PLCH2: variants seen among roughly 807,000 people sequenced by gnomAD.
PLCH2 encodes 1-phosphatidylinositol 4,5-bisphosphate phosphodiesterase eta-2.
PLCH2 carries 98 observed loss-of-function variants against 134.7 expected under a neutral mutation model. That is an observed-to-expected ratio of 0.73 (90% CI 0.62 to 0.86). The LOEUF is 0.86. PLCH2 is among the 40% of genes least tolerant of loss of function. PLCH2 has a pLI of 0.00. For synonymous variants in PLCH2, 974 were observed against 827.5 expected, an observed-to-expected ratio of 1.18 and a Z score of -3.04; for missense variants, 1,994 against 1,986.6, an observed-to-expected ratio of 1.00 and a Z score of -0.07.
intron 2 of PLCH2, among the ~76,000 whole-genome samples, chr1:2,438,110 A>G: frequency 6.6e-6 from 1 of 152,230 alleles, no homozygotes; most frequent in East Asian, 1.9e-4. Flanking sequence ...CCCCCAGGGC[A>G]GGGTCACACT....
chr1:2,441,090 G>T (rs1639671808), intron 2 of PLCH2, among the ~76,000 whole-genome samples: 1 of 152,156 alleles, frequency 6.6e-6, no homozygotes, highest in Non-Finnish European at 1.5e-5. Flanking sequence ...GGAGGGGGTG[G>T]GTTCCCATCC....
Position 2,476,485 on chromosome 1 carries a change from C to G in PLCH2, c.-104C>G. On this transcript the variant is annotated 5_prime_UTR_variant, in exon 1 of 22. Coordinates refer to ENST00000378486, the MANE Select transcript of PLCH2 (RefSeq NM_014638.4). ...AGGAAGAGGCAGAGGAGAGAAGGCC[C>G]CACGGAGGTCCTGTCGCCAGCGCTG... 9.0e-7 allele frequency: 1 copy of G among 1,115,050 alleles called. No individual in the cohort carries two copies. Among genetic ancestry groups the G allele is most frequent in the Non-Finnish European group, 1.2e-6 (1 of 813,354 alleles). 69.1% of individuals were successfully genotyped at this position (1,115,050 alleles called of 1,614,324 possible).
At chr1:2,476,102 C>T (rs932705522), upstream of PLCH2, among the ~76,000 whole-genome samples, 2 of 152,206 alleles carry the variant, frequency 1.3e-5, no homozygotes, top group African/African-American at 4.8e-5. Context: ...GGAGGGCCCT[C>T]CCGTTGGTCC....
chr1:2,447,896 G>A (rs1384731514), intron 2 of PLCH2, among the ~76,000 whole-genome samples: 2 of 152,154 alleles, frequency 1.3e-5, no homozygotes, highest in Non-Finnish European at 2.9e-5. Context: ...AGGTCTTTCC[G>A]TCCCTCCCTG....
At position 2,503,853 on chromosome 1, in the gene PLCH2, T is replaced by TCTCCCTGCCTCC. The variant is rs896796546; in HGVS notation, c.2960-65_2960-54dup. The TCTCCCTGCCTCC allele has an allele frequency of 2.5e-5, 16 of 652,776 alleles. No individual in the cohort carries two copies. The African/African-American group carries it at 2.7e-4, about 11-fold the overall frequency. 40.4% of individuals were successfully genotyped at this position (652,776 alleles called of 1,614,324 possible). A position where few individuals can be genotyped will look rare whatever the true frequency, so the allele number is the denominator to read the frequency against. On this transcript the variant is annotated intron_variant, in intron 21 of 21. Transcript: ENST00000378486. ...CCCTGATCCGACTCCTCTCCGCCTC[T>TCTCCCTGCCTCC]CTCCCTGCCTCCCTCTCTCTCTTCT...
At chr1:2,469,270 G>T (rs1557981880) in intron 1 of PLCH2, among the ~76,000 whole-genome samples, 1 of 152,206 alleles carries the variant, frequency 6.6e-6, no homozygotes, top group Non-Finnish European at 1.5e-5. Context: ...GGTTCCAGGA[G>T]ACCCAGCACA....
intron 2 of PLCH2, among the ~76,000 whole-genome samples, chr1:2,458,888 C>T (rs1570328800): frequency 6.6e-6 from 1 of 152,248 alleles, no homozygotes; most frequent in Admixed American, 6.5e-5. Flanking sequence ...GGGGATGTCC[C>T]CGTGCGCTGT....
At chr1:2,495,419 C>T (rs935838332) in intron 12 of PLCH2, 69 bp from the exon 13 acceptor site, 14 of 1,356,368 alleles carry the variant, frequency 1.0e-5, no homozygotes, top group Non-Finnish European at 1.3e-5. Context: ...CCTCCCCAAC[C>T]CCCCAGCCTT....
At chr1:2,471,965 C>T (rs571429384), upstream of PLCH2, among the ~76,000 whole-genome samples, 10 of 152,300 alleles carry the variant, frequency 6.6e-5, no homozygotes, top group Admixed American at 2.6e-4. Context: ...GAGGGCAGAG[C>T]GTCTGTCCCT....
At chr1:2,496,404 T>C (rs970900439) in intron 13 of PLCH2, among the ~76,000 whole-genome samples, 1 of 152,210 alleles carries the variant, frequency 6.6e-6, no homozygotes, top group Non-Finnish European at 1.5e-5. Flanking sequence ...ACTTTGCACC[T>C]GCTGGTAGCT....
rs773774181 is a variant in PLCH2 at position 2,504,468 on chromosome 1, G to C, written c.3506G>C (p.Arg1169Pro). Residue 1169 changes from arginine (R) to proline (P), a missense_variant, in exon 22 of 22, where the codon CGT (arginine) becomes CCT (proline). Transcript: ENST00000378486. ...SLPSLGLGRS[R>P]ENLAGAHMGR... The stretch of plus-strand genomic sequence containing the variant: ...CCCAGCCTGGGCCTGGGCCGCAGCC[G>C]TGAGAACCTCGCTGGAGCCCACATG... 6.2e-7 allele frequency: 1 copy of C among 1,612,488 alleles called. No individual in the cohort carries two copies. Among genetic ancestry groups the C allele is most frequent in the Non-Finnish European group, 8.5e-7 (1 of 1,179,754 alleles).
intron 2 of PLCH2, among the ~76,000 whole-genome samples, chr1:2,445,391 G>T (rs1442378322): frequency 6.6e-6 from 1 of 152,204 alleles, no homozygotes; most frequent in Admixed American, 6.5e-5. Flanking sequence ...AGAAGAGGCT[G>T]GAACAGGCCT....
chr1:2,431,719 C>A (rs564776298), intron 2 of PLCH2, among the ~76,000 whole-genome samples: 1 of 152,298 alleles, frequency 6.6e-6, no homozygotes, highest in South Asian at 2.1e-4. Flanking sequence ...TACCCTTCTG[C>A]TGCTGGCCCT....
chr1:2,474,897 C>T (rs765856669), upstream of PLCH2, among the ~76,000 whole-genome samples: 1 of 152,196 alleles, frequency 6.6e-6, no homozygotes, highest in Admixed American at 6.5e-5. Flanking sequence ...TGCGCTGCCC[C>T]TTACACGGTG....
In PLCH2 at chr1:2,502,361, G is replaced by A. The variant is rs1301044843; in HGVS notation, c.2911G>A (p.Ala971Thr). The change falls in exon 21 of 22, where the codon GCT becomes ACT. Residue 971 changes from alanine (A) to threonine (T), a missense_variant. Around this residue, in one of 2 missense-constraint regions of PLCH2, gnomAD observed 900 missense variants for 752.3 expected, o/e 1.20. Transcript: ENST00000378486. ...TGTGGTGCCCCCCGGGCCCGGACCT[G>A]CTCCGGAAGCCCCAGCCCAGGAGGG... ...DDVVPPGPGPAPEAPAQEGPG... is the reference protein window; with the variant it reads ...DDVVPPGPGPTPEAPAQEGPG... 5 of 1,540,852 alleles carry A rather than the reference G, an allele frequency of 3.2e-6. No homozygotes were observed.
rs766983534 is a variant in PLCH2 at position 2,499,092 on chromosome 1, C to A, written c.2443C>A (p.Pro815Thr). ...TGGCGCTGCTTCCCCAGGGTTCAAC[C>A]CCACCTGGGAGGAGACCCTGGTTTT... ...TRVVDDNGFNPTWEETLVFMV... is the reference protein window; with the variant it reads ...TRVVDDNGFNTTWEETLVFMV... The change falls in exon 19 of 22, where the codon CCC becomes ACC. Residue 815 changes from proline (P) to threonine (T), a missense_variant. Physicochemically the swap from Pro to Thr is conservative, Grantham distance 38. This residue lies in a region of PLCH2 where 1,094 missense variants were observed against 1,234.3 expected (regional missense o/e 0.89). Transcript: ENST00000378486. The A allele has an allele frequency of 6.2e-6, 10 of 1,610,000 alleles. No homozygotes were observed. In the South Asian group the frequency reaches 1.1e-4, roughly 18 times the overall value.
chr1:2,459,490 T>TCCTTCCTGGTGGTCCTCCTTGCC (rs1640683875), intron 2 of PLCH2, among the ~76,000 whole-genome samples: 1 of 13,694 alleles, frequency 7.3e-5, no homozygotes, highest in Non-Finnish European at 2.0e-4. Context: ...TCCTCCTTCC[T>TCCTTCCTGGTGGTCCTCCTTGCC]GGTGGTCCTC....
Position 2,504,958 on chromosome 1 carries a change from T to C in PLCH2, c.3996T>C (p.Pro1332=). The change falls in exon 22 of 22, where the codon CCT becomes CCC. Residue 1332 remains proline, a synonymous_variant. Transcript: ENST00000378486. Reference sequence around the variant, plus strand: ...CTGGGGAGGGGGTGGCAGGGGGCCCTGGTTTTGTGCGGCGCTCCTCCTCCC... The same window carrying C: ...CTGGGGAGGGGGTGGCAGGGGGCCCCGGTTTTGTGCGGCGCTCCTCCTCCC... The part of the protein sequence containing the change: ...GPAGEGVAGG[P]GFVRRSSSRS... 1.3e-6 allele frequency: 2 copies of C among 1,558,476 alleles called. No homozygotes were observed. The highest frequency in any genetic ancestry group is 2.4e-5 in the East Asian group (1 of 42,344).
intron 1 of PLCH2, among the ~76,000 whole-genome samples, chr1:2,426,270 C>CA (rs376816901): frequency 3.2e-4 from 48 of 152,324 alleles, no homozygotes; most frequent in African/African-American, 1.1e-3. Flanking sequence ...CTGAGGACCC[C>CA]AGGGTTATGT....
Sources: gnomAD v4.1 joint callset for allele counts (sites outside exome capture counted in the v4.1 genomes callset) on GRCh38, gnomAD v4.1.1 for gene constraint, gnomAD v4.1.1 regional missense constraint, MANE v1.5 for transcripts, NCBI Gene and HGNC (gene_info 2026-07-23, HGNC 2026-07-21) for gene names.